RIMS2: variants seen among roughly 807,000 people sequenced by gnomAD.
RIMS2 encodes the protein regulating synaptic membrane exocytosis 2.
Under a neutral mutation model 174.4 loss-of-function variants are expected in RIMS2, and 59 were observed. The observed-to-expected ratio is 0.34, with a 90% CI of 0.27 to 0.42. The LOEUF (loss-of-function observed/expected upper bound fraction) is 0.42, where lower values mean the gene tolerates loss of function less well. Ranked by LOEUF, RIMS2 falls within the 10% of genes least tolerant of loss-of-function variation. RIMS2 has a pLI of 1.00. For missense variants in RIMS2, 1,620 were observed against 1,666.3 expected (o/e 0.97, Z 0.48); for synonymous variants, 606 against 572.5 (o/e 1.06, Z -0.84).
chr8:103,581,513 ACAT>A (rs148925558), intron 1 of RIMS2, among the ~76,000 whole-genome samples: 1,768 of 152,326 alleles, frequency 0.012, 33 homozygotes, highest in African/African-American at 0.039. Context: ...CCCCCAGCTA[ACAT>A]CATACTGAAT....
intron 19 of RIMS2, among the ~76,000 whole-genome samples, chr8:104,181,215 T>C (rs1454346717): frequency 6.6e-6 from 1 of 151,666 alleles, no homozygotes; most frequent in African/African-American, 2.4e-5. Context: ...TAACCCTTTG[T>C]CTATTGAAGC....
chr8:103,877,746 A>T (rs959997327), intron 3 of RIMS2, among the ~76,000 whole-genome samples: 2 of 149,996 alleles, frequency 1.3e-5, no homozygotes, highest in Admixed American at 6.7e-5. Context: ...GAACGTTAGG[A>T]TTTTTTTTTA....
intron 14 of RIMS2, among the ~76,000 whole-genome samples, chr8:103,950,265 T>A (rs928737223): frequency 1.3e-5 from 2 of 152,142 alleles, no homozygotes; most frequent in Non-Finnish European, 2.9e-5. Context: ...ACCATCCAGC[T>A]CATTTTATGA....
intron 13 of RIMS2, among the ~76,000 whole-genome samples, chr8:103,938,746 A>T (rs2081888852): frequency 6.6e-6 from 1 of 152,244 alleles, no homozygotes; most frequent in African/African-American, 2.4e-5. Flanking sequence ...AAAGCAAGTT[A>T]GTTACTTCCT....
At chr8:103,921,101 C>T (rs2077570307) in intron 9 of RIMS2, 1 of 185,712 alleles carries the variant, frequency 5.4e-6, no homozygotes, top group East Asian at 1.7e-4. Flanking sequence ...AATGTTCTGT[C>T]GAGAGAACAC....
intron 3 of RIMS2, among the ~76,000 whole-genome samples, chr8:103,882,028 C>A (rs1446987420): frequency 6.6e-6 from 1 of 151,386 alleles, no homozygotes. Context: ...TTCTCAGGGT[C>A]TTTGAAGGAT....
intron 1 of RIMS2, among the ~76,000 whole-genome samples, chr8:103,527,507 A>G (rs1834653779): frequency 6.6e-6 from 1 of 151,962 alleles, no homozygotes. Context: ...CATCATTTCC[A>G]TTAGGTATAT....
At chr8:103,981,251 A>G (rs2093880633) in intron 16 of RIMS2, among the ~76,000 whole-genome samples, 1 of 152,150 alleles carries the variant, frequency 6.6e-6, no homozygotes, top group African/African-American at 2.4e-5. Flanking sequence ...AAGAGACTCC[A>G]TTTGTCTGGG....
At chr8:103,773,958 A>AT (rs2098281983) in intron 3 of RIMS2, among the ~76,000 whole-genome samples, 2 of 152,120 alleles carry the variant, frequency 1.3e-5, no homozygotes, top group African/African-American at 4.8e-5. Context: ...CTTGGCCAAT[A>AT]TGGTGAAACC....
At chr8:103,679,813 A>G (rs376043553) in intron 1 of RIMS2, among the ~76,000 whole-genome samples, 1 of 152,138 alleles carries the variant, frequency 6.6e-6, no homozygotes, top group East Asian at 1.9e-4. Flanking sequence ...GTTTTAAACT[A>G]GTTTTATGAT....
intron 19 of RIMS2, among the ~76,000 whole-genome samples, chr8:104,081,558 A>G (rs1176328425): frequency 6.6e-6 from 1 of 151,980 alleles, no homozygotes; most frequent in South Asian, 2.1e-4. Flanking sequence ...CAATATGAAT[A>G]TTTTCAAAAG....
At chr8:103,752,243 C>G (rs2097902668) in intron 2 of RIMS2, among the ~76,000 whole-genome samples, 1 of 152,026 alleles carries the variant, frequency 6.6e-6, no homozygotes, top group Non-Finnish European at 1.5e-5. Context: ...TCAGGTATGT[C>G]AAAGATCAGA....
At chr8:104,091,184 C>T (rs1248971848) in intron 19 of RIMS2, among the ~76,000 whole-genome samples, 2 of 151,800 alleles carry the variant, frequency 1.3e-5, no homozygotes, top group Non-Finnish European at 3.0e-5. Context: ...TCAAATGATT[C>T]AGTCCCATTC....
At chr8:103,519,351 A>G (rs1299208203) in intron 1 of RIMS2, among the ~76,000 whole-genome samples, 1 of 152,294 alleles carries the variant, frequency 6.6e-6, no homozygotes, top group East Asian at 1.9e-4. Flanking sequence ...TTGTTTTGGA[A>G]CACAGGCTTC....
chr8:104,153,727 T>G (rs1651393323), intron 19 of RIMS2, among the ~76,000 whole-genome samples: 2 of 152,032 alleles, frequency 1.3e-5, no homozygotes, highest in South Asian at 4.2e-4. Flanking sequence ...CCTAAGACAT[T>G]CTACCATTTA....
chr8:103,911,997 A>C, intron 5 of RIMS2, 56 bp from the exon 9 acceptor site: 1 of 1,370,148 alleles, frequency 7.3e-7, no homozygotes, highest in Non-Finnish European at 1.0e-6. Context: ...AACGATAAAT[A>C]AAATCATTTA....
intron 19 of RIMS2, among the ~76,000 whole-genome samples, chr8:104,080,195 T>C (rs1366995461): frequency 6.6e-6 from 1 of 151,962 alleles, no homozygotes; most frequent in South Asian, 2.1e-4. Flanking sequence ...AACTCAACTT[T>C]TTTCTATCTA....
chr8:104,148,805 T>G, intron 19 of RIMS2: 1 of 1,598,418 alleles, frequency 6.3e-7, no homozygotes, highest in Non-Finnish European at 8.5e-7. Flanking sequence ...CTATCGTTGG[T>G]CTGTCACGGA....
At chr8:104,132,541 A>C (rs1322393375) in intron 19 of RIMS2, among the ~76,000 whole-genome samples, 1 of 152,140 alleles carries the variant, frequency 6.6e-6, no homozygotes, top group Non-Finnish European at 1.5e-5. Flanking sequence ...GACCTGCTAT[A>C]TTATAGGAGG....
Sources: gnomAD v4.1 joint callset for allele counts (sites outside exome capture counted in the v4.1 genomes callset) on GRCh38, gnomAD v4.1.1 for gene constraint, MANE v1.5 for transcripts, NCBI Gene and HGNC (gene_info 2026-07-23, HGNC 2026-07-21) for gene names.